ITIH6: variants seen among roughly 807,000 people sequenced by gnomAD.
The protein encoded by ITIH6 is inter-alpha-trypsin inhibitor heavy chain H6.
Under a neutral mutation model 58.2 loss-of-function variants are expected in ITIH6, and 60 were observed. That is an observed-to-expected ratio of 1.03 (90% CI 0.84 to 1.28). ITIH6 has a LOEUF of 1.28. ITIH6 is among the 50% of genes most tolerant of loss of function. The pLI is 0.00. For synonymous variants in ITIH6, 493 were observed against 417.4 expected (o/e 1.18, Z -2.21); for missense variants, 1,290 against 1,021.1 (o/e 1.26, Z -3.59).
Position 54,790,611 on chromosome X carries a change from C to T in ITIH6, c.616+226G>A, listed in dbSNP as rs1291887292. 4.5e-5 allele frequency among the ~76,000 whole-genome samples: 5 copies of T among 110,498 alleles called. 1 individual carries two copies. In the Admixed American group the frequency reaches 4.8e-4, roughly 11 times the overall value. ...TTTTTTTTTTAGGGAAATCAAGAGTCTGGGAAGTTTCTAATGTGCCAGGTC... is the reference window on the plus strand; with the variant it reads ...TTTTTTTTTTAGGGAAATCAAGAGTTTGGGAAGTTTCTAATGTGCCAGGTC... On this transcript the variant is annotated intron_variant, in intron 4 of 12. Coordinates refer to ENST00000218436, the MANE Select transcript of ITIH6 (RefSeq NM_198510.3).
chrX:54,771,680 A>G (rs1392136362), intron 6 of ITIH6, among the ~76,000 whole-genome samples: 2 of 112,255 alleles, frequency 1.8e-5, no homozygotes, highest in Non-Finnish European at 3.8e-5. Context: ...GGCAAAGGAC[A>G]TGAACAGATA....
chrX:54,787,205 G>A (rs1358226894), intron 5 of ITIH6: 2 of 112,239 alleles, frequency 1.8e-5, no homozygotes, highest in Non-Finnish European at 3.8e-5. Context: ...TATCCTGGCA[G>A]GAGAATAACT....
chrX:54,766,717 C>T (rs868192796), intron 6 of ITIH6, among the ~76,000 whole-genome samples: 1,049 of 97,555 alleles, frequency 0.011, 21 homozygotes, highest in African/African-American at 0.042. Context: ...ATTGAACCAG[C>T]CTTGCATCCC....
At chrX:54,756,939 C>T (rs1928498871) in intron 8 of ITIH6, 26 bp downstream of exon 8, 2 of 1,036,124 alleles carry the variant, frequency 1.9e-6, no homozygotes, top group Non-Finnish European at 1.3e-6. Context: ...ACCCTCATGG[C>T]TCGACCTCTT....
intron 4 of ITIH6, among the ~76,000 whole-genome samples, chrX:54,789,650 TC>T (rs1241730734): frequency 8.9e-6 from 1 of 112,657 alleles, no homozygotes; most frequent in African/African-American, 3.2e-5. Context: ...GACAAGCGAC[TC>T]ATTCTCTCTA....
At chrX:54,775,454 C>A (rs867003644) in intron 5 of ITIH6, among the ~76,000 whole-genome samples, 3 of 110,329 alleles carry the variant, frequency 2.7e-5, no homozygotes, top group Non-Finnish European at 3.8e-5. Context: ...CCCCACCCTT[C>A]TAGAGGGTCC....
intron 6 of ITIH6, among the ~76,000 whole-genome samples, chrX:54,769,499 T>C (rs1217476690): frequency 9.4e-6 from 1 of 106,262 alleles, no homozygotes; most frequent in Non-Finnish European, 1.9e-5. Context: ...TTTTTCCCCA[T>C]CTTTGTGGTT....
At chrX:54,785,087 C>A (rs2147618134) in intron 5 of ITIH6, among the ~76,000 whole-genome samples, 1 of 110,614 alleles carries the variant, frequency 9.0e-6, no homozygotes, top group East Asian at 2.9e-4. Flanking sequence ...TTGAAATAAG[C>A]CAGGCACAGA....
Position 54,758,895 on chromosome X carries a change from G to A in ITIH6, c.1179C>T (p.Ile393=), listed in dbSNP as rs765434409. ...GPSVGRIPLI[I]FLTDGEPTAG... is the part of the protein sequence containing the mutation. The stretch of plus-strand genomic sequence containing the variant: ...CCGTGGGCTCCCCATCCGTCAGGAA[G>A]ATGATAAGAGGGATCCTCCCCACAC... Residue 393 remains isoleucine (I), a synonymous_variant, in exon 8 of 13, where the codon ATC becomes ATT. Transcript: ENST00000218436. The A allele has an allele frequency of 8.3e-7, 1 of 1,210,698 alleles. No individual in the cohort carries two copies. Among genetic ancestry groups the A allele is most frequent in the East Asian group, 3.0e-5 (1 of 33,792 alleles).
At position 54,756,820 on chromosome X, in the gene ITIH6, G is replaced by GCAAT. The variant is rs1928495719; in HGVS notation, c.3109+144_3109+145insATTG. The GCAAT allele has an allele frequency of 1.2e-5, 5 of 406,690 alleles. No homozygotes were observed. In the South Asian group the frequency reaches 2.5e-4, roughly 20 times the overall value. The allele number at this position is 406,690 out of a possible 1,213,427, so 33.5% of individuals were successfully genotyped here. ...TTGTCCAAAGTCCCAAAGCAAGCAA[G>GCAAT]CAAGCAAGCAAGCAAGCAAGCAAGC... is the stretch of plus-strand genomic sequence containing the variant. On this transcript the variant is annotated intron_variant, in intron 8 of 12. Transcript: ENST00000218436.
rs1242317913 is a variant in ITIH6, at chrX:54,757,701, G to A, written c.2373C>T (p.His791=). 1.7e-6 allele frequency: 2 copies of A among 1,211,340 alleles called. No homozygotes were observed. Among genetic ancestry groups the A allele is most frequent in the Non-Finnish European group, 2.2e-6 (2 of 895,276 alleles). The change falls in exon 8 of 13, where the codon CAC becomes CAT. Residue 791 remains histidine (H), a synonymous_variant. Transcript: ENST00000218436. The stretch of plus-strand genomic sequence containing the variant: ...GTGATGTGAGTGCCCCAAGTTGGGG[G>A]TGCGATGGAGCACCAGGTTTGGAAT... ...PLHSKPGAPS[H]PQLGALTSQA...
chrX:54,753,876 G>A, intron 10 of ITIH6, 54 bp downstream of exon 10: 1 of 1,169,179 alleles, frequency 8.6e-7, no homozygotes, highest in Non-Finnish European at 1.2e-6. Flanking sequence ...CCCAGTCCCA[G>A]TGCACAAGCT....
chrX:54,786,983 C>T (rs1033684864), intron 5 of ITIH6, among the ~76,000 whole-genome samples: 1 of 111,269 alleles, frequency 9.0e-6, no homozygotes, highest in African/African-American at 3.3e-5. Flanking sequence ...GTGTTCCTGG[C>T]GGGGTGTCAG....
intron 2 of ITIH6, among the ~76,000 whole-genome samples, chrX:54,792,583 T>C (rs1929368780): frequency 9.0e-6 from 1 of 110,542 alleles, no homozygotes; most frequent in African/African-American, 3.3e-5. Flanking sequence ...ATACTGTGGG[T>C]GGTAAAAGTG....
chrX:54,791,977 A>T lies in ITIH6; in HGVS notation c.317T>A (p.Ile106Asn), dbSNP rs754882907. 8.3e-7 allele frequency: 1 copy of T among 1,206,504 alleles called. No individual in the cohort carries two copies. Among genetic ancestry groups the T allele is most frequent in the East Asian group, 3.0e-5 (1 of 33,738 alleles). ...EVKEKHQAKKIYEEAHQQGKT... is the reference protein window; with the variant it reads ...EVKEKHQAKKNYEEAHQQGKT... The stretch of plus-strand genomic sequence containing the variant: ...TCCCTGCTGATGGGCTTCTTCATAG[A>T]TTTTCTTTGCCTGGTGCTTCTCTTT... Residue 106 changes from isoleucine to asparagine, a missense_variant, in exon 3 of 13, where the codon ATC (isoleucine) becomes AAC (asparagine). By Grantham distance (149) the Ile-to-Asn change is moderately radical. Coordinates refer to ENST00000218436, the MANE Select transcript of ITIH6 (RefSeq NM_198510.3).
At chrX:54,775,264 A>C (rs1045060681) in intron 5 of ITIH6, among the ~76,000 whole-genome samples, 2 of 111,388 alleles carry the variant, frequency 1.8e-5, no homozygotes, top group Non-Finnish European at 3.8e-5. Context: ...GCTTCTGGGA[A>C]AATCATGCTT....
In ITIH6 at chrX:54,754,083, G is replaced by A. The variant is rs182381647; in HGVS notation, c.3203-118C>T. Reference sequence around the variant, plus strand: ...TGTGTTCAGCATTTAAGGCTTTTCTGAAATCTAGTCCCTGCCTAGCTCTCC... The same window carrying A: ...TGTGTTCAGCATTTAAGGCTTTTCTAAAATCTAGTCCCTGCCTAGCTCTCC... On this transcript the variant is annotated intron_variant, in intron 9 of 12. Transcript: ENST00000218436. 1.1e-4 allele frequency: 77 copies of A among 689,646 alleles called. No homozygotes were observed. In the East Asian group the frequency reaches 2.4e-3, roughly 22 times the overall value. The allele number at this position is 689,646 out of a possible 1,213,427, so 56.8% of individuals were successfully genotyped here.
chrX:54,774,714 G>C (rs1274925170), intron 5 of ITIH6, among the ~76,000 whole-genome samples: 3 of 112,232 alleles, frequency 2.7e-5, no homozygotes, highest in Non-Finnish European at 3.8e-5. Context: ...AACCTAAGCT[G>C]AGTGAGCTGT....
chrX:54,757,298 G>A lies in ITIH6; in HGVS notation c.2776C>T (p.Pro926Ser), dbSNP rs753405986. The A allele has an allele frequency of 5.9e-6, 7 of 1,194,530 alleles. No individual in the cohort carries two copies. Among genetic ancestry groups the A allele is most frequent in the African/African-American group, 1.7e-5 (1 of 57,205 alleles). The change falls in exon 8 of 13, where the codon CCC becomes TCC. Residue 926 changes from proline (P) to serine (S), a missense_variant. Transcript: ENST00000218436. ...GTGGGAGTAAAGGGCATGGGGAGGGGTTCTCCAAGGACAGAGGTGGTTGTG... is the reference window on the plus strand; with the variant it reads ...GTGGGAGTAAAGGGCATGGGGAGGGATTCTCCAAGGACAGAGGTGGTTGTG... The part of the protein sequence containing the change: ...STTTTSVLGE[P>S]LPMPFTPTLP...
Sources: allele counts gnomAD v4.1 joint callset (sites outside exome capture counted in the v4.1 genomes callset), GRCh38; gene constraint gnomAD v4.1.1; transcripts MANE v1.5; gene names NCBI Gene and HGNC (gene_info 2026-07-23, HGNC 2026-07-21).